The following AGPAT3 variants were observed in gnomAD, a reference collection of about 807,000 sequenced individuals.
AGPAT3 encodes 1-acylglycerol-3-phosphate O-acyltransferase 3.
A neutral mutation model predicts 47.3 loss-of-function variants in AGPAT3; 5 were observed. The ratio of observed to expected loss-of-function variants is 0.11; its 90% CI spans 0.06 to 0.22. The LOEUF is 0.22. Ranked by LOEUF, AGPAT3 falls within the 10% of genes least tolerant of loss-of-function variation. AGPAT3 has a pLI of 1.00. For synonymous variants in AGPAT3, 212 were observed against 208.3 expected (o/e 1.02, Z -0.15); for missense variants, 315 against 493.0 (o/e 0.64, Z 3.42).
At chr21:43,877,488 T>G (rs2085759645) in intron 1 of AGPAT3, among the ~76,000 whole-genome samples, 1 of 152,070 alleles carries the variant, frequency 6.6e-6, no homozygotes, top group Admixed American at 6.5e-5. Context: ...TGTTGCCCAG[T>G]CTGGAGTACA....
Position 43,886,230 on chromosome 21 carries a change from G to A in AGPAT3, c.-111-17727G>A, listed in dbSNP as rs1487324391. ...CCCCTGCTGTGCTATCAAATATTAG[G>A]TCTTTATACTAGATCTTTTTTTATT... On this transcript the variant is annotated intron_variant, in intron 1 of 9. Transcript: ENST00000291572. Among the ~76,000 whole-genome samples, 6 of 152,096 alleles carry A rather than the reference G, an allele frequency of 3.9e-5. No homozygotes were observed. The East Asian group carries it at 1.2e-3, about 29-fold the overall frequency.
chr21:43,943,451 A>G (rs147734204), intron 2 of AGPAT3, among the ~76,000 whole-genome samples: 107 of 152,168 alleles, frequency 7.0e-4, no homozygotes, highest in Non-Finnish European at 1.3e-3. Context: ...TCGATCACCT[A>G]CTGTATACCA....
intron 2 of AGPAT3, among the ~76,000 whole-genome samples, chr21:43,947,518 C>A (rs1462494733): frequency 1.3e-5 from 2 of 152,240 alleles, no homozygotes; most frequent in African/African-American, 4.8e-5. Flanking sequence ...TCCAAAGTCA[C>A]TTCCATCTCG....
At chr21:43,906,455 T>C (rs2086497502) in intron 2 of AGPAT3, among the ~76,000 whole-genome samples, 1 of 152,124 alleles carries the variant, frequency 6.6e-6, no homozygotes, top group African/African-American at 2.4e-5. Flanking sequence ...TGCAACTCAA[T>C]TGGTTATCAG....
intron 3 of AGPAT3, among the ~76,000 whole-genome samples, chr21:43,961,141 TAAA>T (rs1042119184): frequency 3.1e-5 from 4 of 130,198 alleles, no homozygotes; most frequent in Admixed American, 7.8e-5. Context: ...AGACTCTGTC[TAAA>T]AAAAAAAAAA....
At position 43,876,648 on chromosome 21, in the gene AGPAT3, C is replaced by T. The variant is rs1343867030; in HGVS notation, c.-112+11303C>T. ...TCTACATAAATCCTGATGAGTGAAA[C>T]CGTAATGAACAGTAGAAGGAATGTC... On this transcript the variant is annotated intron_variant, in intron 1 of 9. Coordinates refer to ENST00000291572, the MANE Select transcript of AGPAT3 (RefSeq NM_020132.5). 3.3e-5 allele frequency among the ~76,000 whole-genome samples: 5 copies of T among 152,212 alleles called. No individual in the cohort carries two copies. The East Asian group carries it at 5.8e-4, about 18-fold the overall frequency.
At chr21:43,894,976 G>C (rs899289208) in intron 1 of AGPAT3, among the ~76,000 whole-genome samples, 4 of 151,836 alleles carry the variant, frequency 2.6e-5, no homozygotes, top group Non-Finnish European at 4.4e-5. Flanking sequence ...CAACTTTGTG[G>C]CTTTTTGTAT....
chr21:43,962,908 G>A (rs563352039), intron 3 of AGPAT3, among the ~76,000 whole-genome samples: 2 of 152,250 alleles, frequency 1.3e-5, no homozygotes, highest in East Asian at 1.9e-4. Context: ...ACTGTGCCCC[G>A]ACTTGAAAGA....
intron 2 of AGPAT3, among the ~76,000 whole-genome samples, chr21:43,924,138 C>T (rs891008180): frequency 4.2e-4 from 64 of 151,892 alleles, no homozygotes; most frequent in Admixed American, 1.4e-3. Flanking sequence ...CTCAGCCTCC[C>T]GAGTAGCTGG....
intron 2 of AGPAT3, among the ~76,000 whole-genome samples, chr21:43,941,336 G>A (rs1292962251): frequency 6.6e-6 from 1 of 152,206 alleles, no homozygotes; most frequent in Non-Finnish European, 1.5e-5. Flanking sequence ...GTCACTGCAG[G>A]TGACACAGGC....
chr21:43,891,980 A>T (rs938297525), intron 1 of AGPAT3, among the ~76,000 whole-genome samples: 1 of 152,072 alleles, frequency 6.6e-6, no homozygotes, highest in Non-Finnish European at 1.5e-5. Context: ...TTCCTATACA[A>T]TGTATTTCTT....
rs867592858 is a variant in AGPAT3, at chr21:43,963,751, C to A, written c.178+3892C>A. Reference sequence around the variant, plus strand: ...AAAAAGATAAGGAAGTCTTCGAATCCCCGGAGAGGAAAGCTGGAGAACCAC... The same window carrying A: ...AAAAAGATAAGGAAGTCTTCGAATCACCGGAGAGGAAAGCTGGAGAACCAC... On this transcript the variant is annotated intron_variant, in intron 3 of 9. Coordinates refer to ENST00000291572, the MANE Select transcript of AGPAT3 (RefSeq NM_020132.5). 4.0e-4 allele frequency among the ~76,000 whole-genome samples: 60 copies of A among 151,416 alleles called. No homozygotes were observed. In the Middle Eastern group the frequency reaches 0.01, roughly 26 times the overall value.
intron 2 of AGPAT3, among the ~76,000 whole-genome samples, chr21:43,904,472 G>T (rs2086439067): frequency 6.6e-6 from 1 of 152,198 alleles, no homozygotes; most frequent in South Asian, 2.1e-4. Flanking sequence ...GGGGACAGCT[G>T]CACAATCCCC....
chr21:43,908,127 C>T lies in AGPAT3; in HGVS notation c.-49+4108C>T, dbSNP rs1479229470. Among the ~76,000 whole-genome samples, 2 of 152,150 alleles carry T rather than the reference C, an allele frequency of 1.3e-5. No individual in the cohort carries two copies. The highest frequency in any genetic ancestry group is 1.9e-4 in the East Asian group (1 of 5,198). On this transcript the variant is annotated intron_variant, in intron 2 of 9. Coordinates refer to ENST00000291572, the MANE Select transcript of AGPAT3 (RefSeq NM_020132.5). The surrounding 1 kb of genome is among the most constrained non-coding windows in gnomAD (Gnocchi z 4.9). ...CAGAGCCTAAATTATGTGGGAAAAA[C>T]GTGTGTGTGTTCCAAAGCTGGAGTG...
chr21:43,883,213 C>T (rs547833966), intron 1 of AGPAT3, among the ~76,000 whole-genome samples: 1 of 152,288 alleles, frequency 6.6e-6, no homozygotes, highest in South Asian at 2.1e-4. Context: ...TGACCTGCCT[C>T]AGACACCCTT....
rs758296738 is a variant in AGPAT3, at chr21:43,955,230, A to G, written c.-48-4404A>G. 1 of 1,227,970 alleles carries G rather than the reference A, an allele frequency of 8.1e-7. No individual in the cohort carries two copies. Among genetic ancestry groups the G allele is most frequent in the South Asian group, 1.4e-5 (1 of 73,888 alleles). 76.1% of individuals were successfully genotyped at this position (1,227,970 alleles called of 1,614,324 possible). ...ATGCCATGGGATTCTGTGTTTGTGA[A>G]CCTCTAGAAAAGGTAAATTAACCTA... is the stretch of plus-strand genomic sequence containing the variant. On this transcript the variant is annotated intron_variant, in intron 2 of 9. Coordinates refer to ENST00000291572, the MANE Select transcript of AGPAT3 (RefSeq NM_020132.5). This position sits in a 1 kb window ranked among gnomAD's most constrained non-coding sequence, Gnocchi z 4.1.
At chr21:43,906,447 CAA>C (rs2086497123) in intron 2 of AGPAT3, among the ~76,000 whole-genome samples, 1 of 152,088 alleles carries the variant, frequency 6.6e-6, no homozygotes, top group Admixed American at 6.5e-5. Context: ...AAAAGGCATG[CAA>C]CTCAATTGGT....
At chr21:43,866,254 T>G (rs2123476966) in intron 1 of AGPAT3, among the ~76,000 whole-genome samples, 1 of 150,694 alleles carries the variant, frequency 6.6e-6, no homozygotes. Flanking sequence ...CTTGAGCAGT[T>G]GGGTTCTTTT....
chr21:43,918,233 T>TGTGGGTGTTGCGGCGGTTGTGGGTGTC (rs1379571620), intron 2 of AGPAT3, among the ~76,000 whole-genome samples: 3 of 151,718 alleles, frequency 2.0e-5, no homozygotes, highest in Non-Finnish European at 4.4e-5. Context: ...TTGTGGGTGT[T>TGTGGGTGTTGCGGCGGTTGTGGGTGTC]GTGGGTGTTG....
Sources: gnomAD v4.1 joint callset for allele counts (sites outside exome capture counted in the v4.1 genomes callset) on GRCh38, gnomAD v4.1.1 for gene constraint, Gnocchi (gnomAD v3.1) non-coding constraint, MANE v1.5 for transcripts, NCBI Gene and HGNC (gene_info 2026-07-23, HGNC 2026-07-21) for gene names.